GRID2: variants seen among roughly 807,000 people sequenced by gnomAD.
The protein encoded by GRID2 is glutamate ionotropic receptor delta type subunit 2.
In GRID2, 33 loss-of-function variants were observed where a neutral mutation model predicts 114.8. That is an observed-to-expected ratio of 0.29 (90% CI 0.22 to 0.38). The LOEUF is 0.38. GRID2 is among the 10% of genes least tolerant of loss of function. The pLI is 1.00. For missense variants in GRID2, 1,184 were observed against 1,257.7 expected, an observed-to-expected ratio of 0.94 and a Z score of 0.89; for synonymous variants, 505 against 449.9, an observed-to-expected ratio of 1.12 and a Z score of -1.55.
At chr4:92,602,719 G>C (rs1475858635) in intron 2 of GRID2, among the ~76,000 whole-genome samples, 2 of 152,114 alleles carry the variant, frequency 1.3e-5, no homozygotes, top group Non-Finnish European at 2.9e-5. Flanking sequence ...TCAGGCAAGG[G>C]AAAGAAATAA....
chr4:92,506,661 T>A (rs922118415), intron 1 of GRID2, among the ~76,000 whole-genome samples: 8 of 151,920 alleles, frequency 5.3e-5, no homozygotes, highest in African/African-American at 1.9e-4. Flanking sequence ...ACTGTATCCC[T>A]TACCTATATA....
chr4:92,462,307 T>C (rs1333281809), intron 1 of GRID2, among the ~76,000 whole-genome samples: 2 of 152,060 alleles, frequency 1.3e-5, no homozygotes, highest in East Asian at 1.9e-4. Flanking sequence ...AATTGTATGC[T>C]ACTCAAGCAG....
At chr4:92,782,779 G>A (rs1578185465) in intron 2 of GRID2, among the ~76,000 whole-genome samples, 2 of 152,104 alleles carry the variant, frequency 1.3e-5, no homozygotes, top group Middle Eastern at 3.4e-3. Flanking sequence ...GAGGGTCGAA[G>A]GTGAGATTGC....
At chr4:92,868,216 A>G (rs1310574443) in intron 2 of GRID2, among the ~76,000 whole-genome samples, 1 of 151,988 alleles carries the variant, frequency 6.6e-6, no homozygotes, top group African/African-American at 2.4e-5. Context: ...TGCTAGTTCT[A>G]CTACTTCTTT....
At chr4:93,051,046 C>T (rs973285370) in intron 2 of GRID2, among the ~76,000 whole-genome samples, 1 of 151,994 alleles carries the variant, frequency 6.6e-6, no homozygotes, top group South Asian at 2.1e-4. Context: ...AAATAGTGCT[C>T]CACATCACTC....
intron 1 of GRID2, among the ~76,000 whole-genome samples, chr4:92,570,583 A>C (rs1727560796): frequency 6.6e-6 from 1 of 152,116 alleles, no homozygotes; most frequent in African/African-American, 2.4e-5. Context: ...CTTCCTATCC[A>C]TGAGCATGAA....
intron 4 of GRID2, among the ~76,000 whole-genome samples, chr4:93,184,726 A>G (rs1425699946): frequency 1.3e-5 from 2 of 152,048 alleles, no homozygotes; most frequent in Non-Finnish European, 2.9e-5. Flanking sequence ...TACAAAAAAT[A>G]CAAAAATTAG....
intron 2 of GRID2, among the ~76,000 whole-genome samples, chr4:92,942,091 G>C (rs1049042434): frequency 1.4e-4 from 22 of 152,246 alleles, no homozygotes; most frequent in African/African-American, 5.3e-4. Context: ...AGGTCTACTT[G>C]GTGCAGAGCT....
At chr4:93,048,635 G>A (rs930080604) in intron 2 of GRID2, among the ~76,000 whole-genome samples, 4 of 151,994 alleles carry the variant, frequency 2.6e-5, no homozygotes, top group African/African-American at 9.7e-5. Flanking sequence ...AAATGTTCCT[G>A]TCCACTTATT....
chr4:92,771,081 A>G (rs62310238), intron 2 of GRID2, among the ~76,000 whole-genome samples: 8,256 of 151,650 alleles, frequency 0.054, 297 homozygotes, highest in African/African-American at 0.1. Flanking sequence ...TAAGTATTAA[A>G]GTCTCTGAGC....
chr4:93,698,793 A>ATT (rs1727262389), intron 14 of GRID2, among the ~76,000 whole-genome samples: 1 of 152,054 alleles, frequency 6.6e-6, no homozygotes, highest in Non-Finnish European at 1.5e-5. Flanking sequence ...TTTTCCACTA[A>ATT]AAGAATCCTG....
At position 93,390,039 on chromosome 4, in the gene GRID2, T is replaced by A. The variant is rs541192204; in HGVS notation, c.1246-5568T>A. ...CCTGACCTTAGGTGATCTACCCGCCTTGGCCTCCCAAAGTGTTGGGACTAC... is the reference window on the plus strand; with the variant it reads ...CCTGACCTTAGGTGATCTACCCGCCATGGCCTCCCAAAGTGTTGGGACTAC... On this transcript the variant is annotated intron_variant, in intron 8 of 15. Coordinates refer to ENST00000282020, the MANE Select transcript of GRID2 (RefSeq NM_001510.4). 2.6e-5 allele frequency among the ~76,000 whole-genome samples: 4 copies of A among 152,314 alleles called. No homozygotes were observed. In the East Asian group the frequency reaches 7.7e-4, roughly 29 times the overall value.
intron 2 of GRID2, among the ~76,000 whole-genome samples, chr4:93,042,299 C>CTATATATA (rs771214923): frequency 9.7e-6 from 1 of 102,648 alleles, no homozygotes; most frequent in Non-Finnish European, 2.0e-5. Context: ...CTCTCTCTCT[C>CTATATATA]TATATATATA....
intron 2 of GRID2, among the ~76,000 whole-genome samples, chr4:93,059,094 C>A (rs1727538164): frequency 6.6e-6 from 1 of 152,000 alleles, no homozygotes; most frequent in East Asian, 1.9e-4. Flanking sequence ...TTTGAGCTTG[C>A]TGAGGGGCAA....
At chr4:92,334,835 A>G (rs1276779590) in intron 1 of GRID2, among the ~76,000 whole-genome samples, 1 of 152,232 alleles carries the variant, frequency 6.6e-6, no homozygotes, top group Non-Finnish European at 1.5e-5. Flanking sequence ...CTGACAACAA[A>G]GCCAGCATGC....
intron 2 of GRID2, among the ~76,000 whole-genome samples, chr4:92,837,487 A>C (rs1323856167): frequency 6.6e-6 from 1 of 152,040 alleles, no homozygotes; most frequent in Admixed American, 6.6e-5. Flanking sequence ...TAAAAAAAAA[A>C]AAAAAGGCCA....
chr4:92,579,591 G>A (rs1030712839), intron 1 of GRID2, among the ~76,000 whole-genome samples: 2 of 151,810 alleles, frequency 1.3e-5, no homozygotes, highest in African/African-American at 4.8e-5. Flanking sequence ...TTAGATTTAA[G>A]TCCTATATCA....
At chr4:92,436,870 T>A (rs1049334781) in intron 1 of GRID2, among the ~76,000 whole-genome samples, 2 of 152,176 alleles carry the variant, frequency 1.3e-5, no homozygotes, top group African/African-American at 4.8e-5. Context: ...ATAAGTGGCA[T>A]ATTTATTTAA....
intron 4 of GRID2, among the ~76,000 whole-genome samples, chr4:93,167,271 T>C (rs1738343436): frequency 6.6e-6 from 1 of 152,184 alleles, no homozygotes. Flanking sequence ...CATTCCTTGT[T>C]TGATGGCTCC....
Sources: allele counts gnomAD v4.1 joint callset (sites outside exome capture counted in the v4.1 genomes callset), GRCh38; gene constraint gnomAD v4.1.1; transcripts MANE v1.5; gene names NCBI Gene and HGNC (gene_info 2026-07-23, HGNC 2026-07-21).